Variants in DSCAM observed in about 807,000 individuals in gnomAD.
DSCAM encodes the protein cell adhesion molecule DSCAM.
DSCAM carries 47 observed loss-of-function variants against 217.7 expected under a neutral mutation model. The ratio of observed to expected loss-of-function variants is 0.22; its 90% CI spans 0.17 to 0.28. The LOEUF is 0.28. Among genes scored for constraint, DSCAM ranks in the 10% least tolerant of loss-of-function variants. DSCAM has a pLI of 1.00. For synonymous variants in DSCAM, 1,056 were observed against 1,015.3 expected, an observed-to-expected ratio of 1.04 and a Z score of -0.76; for missense variants, 2,080 against 2,618.3, an observed-to-expected ratio of 0.79 and a Z score of 4.49.
At chr21:40,791,607 T>C (rs1207269671) in intron 1 of DSCAM, among the ~76,000 whole-genome samples, 2 of 152,068 alleles carry the variant, frequency 1.3e-5, no homozygotes, top group South Asian at 2.1e-4. Flanking sequence ...GAGCCGAGAT[T>C]GCGCCACTGC....
chr21:40,295,334 A>G (rs1054025287), intron 10 of DSCAM, among the ~76,000 whole-genome samples: 3 of 152,318 alleles, frequency 2.0e-5, no homozygotes, highest in Middle Eastern at 3.4e-3. Flanking sequence ...GGCGTTCTGA[A>G]GAAGCCACCC....
intron 3 of DSCAM, among the ~76,000 whole-genome samples, chr21:40,670,204 A>G (rs9983500): frequency 0.69 from 104,335 of 152,160 alleles, 36,569 homozygotes; most frequent in East Asian, 0.76. Context: ...TTACTATCTT[A>G]CCCATTTTTA....
At position 40,035,844 on chromosome 21, in the gene DSCAM, A is replaced by T. The variant is rs202024194; in HGVS notation, c.5686+6527T>A. ...CAGACCACAGTGCAATCAAACTAGA[A>T]CTCAGGATTAAGAATCTCACTCAAA... On this transcript the variant is annotated intron_variant, in intron 32 of 32. Transcript: ENST00000400454. Among the ~76,000 whole-genome samples the T allele has an allele frequency of 2.3e-3, 337 of 145,246 alleles. 3 individuals are homozygous for T. Among genetic ancestry groups the T allele is most frequent in the African/African-American group, 7.4e-3 (275 of 37,018 alleles).
chr21:40,065,240 T>C (rs2089189525), intron 27 of DSCAM, among the ~76,000 whole-genome samples: 1 of 151,922 alleles, frequency 6.6e-6, no homozygotes, highest in Admixed American at 6.6e-5. Flanking sequence ...TGGGAGAGAC[T>C]TGTCTAGTTT....
intron 3 of DSCAM, among the ~76,000 whole-genome samples, chr21:40,637,392 TATAA>T (rs1423867956): frequency 8.6e-5 from 2 of 23,190 alleles, no homozygotes; most frequent in African/African-American, 1.6e-4. Context: ...TAAATATATA[TATAA>T]ATATATATAA....
chr21:40,150,509 A>G (rs1297745654), intron 16 of DSCAM, among the ~76,000 whole-genome samples: 1 of 152,236 alleles, frequency 6.6e-6, no homozygotes, highest in African/African-American at 2.4e-5. Context: ...AAAAAAATCC[A>G]TAAATGTAGG....
intron 1 of DSCAM, among the ~76,000 whole-genome samples, chr21:40,773,849 C>T (rs1022771536): frequency 1.3e-5 from 2 of 152,128 alleles, no homozygotes; most frequent in South Asian, 2.1e-4. Flanking sequence ...ATCCAGCTAC[C>T]GGGGCACCAG....
intron 3 of DSCAM, among the ~76,000 whole-genome samples, chr21:40,512,485 C>T (rs1460703249): frequency 2.0e-5 from 3 of 152,100 alleles, no homozygotes; most frequent in Middle Eastern, 3.2e-3. Context: ...TGGTGATCCT[C>T]AAAGCCTGTA....
At chr21:40,544,473 T>C (rs1341916587) in intron 3 of DSCAM, among the ~76,000 whole-genome samples, 1 of 152,128 alleles carries the variant, frequency 6.6e-6, no homozygotes, top group Non-Finnish European at 1.5e-5. Context: ...ATAATTAGTG[T>C]CTTCGTAAGA....
At chr21:40,410,314 G>C (rs913694431) in intron 3 of DSCAM, among the ~76,000 whole-genome samples, 1 of 151,908 alleles carries the variant, frequency 6.6e-6, no homozygotes, top group African/African-American at 2.4e-5. Context: ...ATGAAATACG[G>C]ATAGAAAAAG....
chr21:40,120,772 C>T (rs1354768997), intron 20 of DSCAM, among the ~76,000 whole-genome samples: 28 of 152,162 alleles, frequency 1.8e-4, no homozygotes, highest in Admixed American at 1.8e-3. Context: ...CTCAGTTACC[C>T]TAACTTGTCA....
intron 1 of DSCAM, among the ~76,000 whole-genome samples, chr21:40,730,784 A>AT (rs1322196646): frequency 2.0e-5 from 3 of 152,220 alleles, no homozygotes; most frequent in Non-Finnish European, 4.4e-5. Flanking sequence ...GTATTTGCAT[A>AT]TTTTGGGGCA....
At chr21:40,273,983 G>A (rs1226987212) in intron 11 of DSCAM, among the ~76,000 whole-genome samples, 2 of 152,132 alleles carry the variant, frequency 1.3e-5, no homozygotes, top group African/African-American at 4.8e-5. Flanking sequence ...CAGACATTCA[G>A]TTCATTCCAC....
chr21:40,671,457 C>T (rs917014878), intron 3 of DSCAM, among the ~76,000 whole-genome samples: 5 of 152,052 alleles, frequency 3.3e-5, no homozygotes, highest in Admixed American at 2.0e-4. Context: ...GGGTGGATCA[C>T]GAGGCCAGGA....
At chr21:40,526,841 T>C (rs1209075461) in intron 3 of DSCAM, among the ~76,000 whole-genome samples, 1 of 152,058 alleles carries the variant, frequency 6.6e-6, no homozygotes, top group Non-Finnish European at 1.5e-5. Context: ...GAGCTCTGGA[T>C]TTGATCCTGA....
intron 3 of DSCAM, among the ~76,000 whole-genome samples, chr21:40,676,544 CTTGT>C (rs2090341386): frequency 6.6e-6 from 1 of 151,988 alleles, no homozygotes; most frequent in African/African-American, 2.4e-5. Context: ...CTTTTGTTTG[CTTGT>C]TTTTTTGTTT....
At chr21:40,405,533 A>C (rs990674503) in intron 3 of DSCAM, among the ~76,000 whole-genome samples, 1 of 152,254 alleles carries the variant, frequency 6.6e-6, no homozygotes, top group Non-Finnish European at 1.5e-5. Context: ...GCTTCTGCAC[A>C]GCAAAGGAAA....
intron 3 of DSCAM, among the ~76,000 whole-genome samples, chr21:40,488,707 A>G (rs193298326): frequency 3.7e-4 from 56 of 152,336 alleles, no homozygotes; most frequent in Admixed American, 1.1e-3. Flanking sequence ...GAACAGTGAA[A>G]AGAAAAAGCT....
At chr21:40,734,714 G>T (rs990225161) in intron 1 of DSCAM, among the ~76,000 whole-genome samples, 2 of 152,138 alleles carry the variant, frequency 1.3e-5, no homozygotes, top group East Asian at 3.9e-4. Context: ...AATATGGCTC[G>T]TTCACACTTG....
Sources: gnomAD v4.1 joint callset for allele counts (sites outside exome capture counted in the v4.1 genomes callset) on GRCh38, gnomAD v4.1.1 for gene constraint, MANE v1.5 for transcripts, NCBI Gene and HGNC (gene_info 2026-07-23, HGNC 2026-07-21) for gene names.